ZNF236: variants seen among roughly 807,000 people sequenced by gnomAD.
ZNF236 encodes zinc finger protein 236.
A neutral mutation model predicts 191.2 loss-of-function variants in ZNF236; 50 were observed. The observed-to-expected ratio is 0.26, with a 90% CI of 0.21 to 0.33. The LOEUF is 0.33. ZNF236 is among the 10% of genes least tolerant of loss of function. ZNF236 has a pLI of 1.00. For missense variants in ZNF236, 1,754 were observed against 2,374.5 expected (o/e 0.74, Z 5.43); for synonymous variants, 907 against 928.8 (o/e 0.98, Z 0.43).
rs752348559 is a variant in ZNF236, at chr18:76,899,182, T to C, written c.1854T>C (p.Pro618=). The C allele has an allele frequency of 6.2e-7, 1 of 1,614,118 alleles. No homozygotes were observed. ...VRVGKTNIPV[P]DIPLQEPILI... ...TTGGCAAGACGAATATTCCAGTCCCTGATATTCCTTTGCAGGAACCAATCC... is the reference window on the plus strand; with the variant it reads ...TTGGCAAGACGAATATTCCAGTCCCCGATATTCCTTTGCAGGAACCAATCC... Residue 618 remains proline, a synonymous_variant, in exon 11 of 31, where the codon CCT becomes CCC. Coordinates refer to ENST00000320610, the MANE Select transcript of ZNF236 (RefSeq NM_001306089.2).
intron 1 of ZNF236, among the ~76,000 whole-genome samples, chr18:76,848,126 T>C (rs1568193502): frequency 6.6e-6 from 1 of 152,224 alleles, no homozygotes; most frequent in Non-Finnish European, 1.5e-5. Flanking sequence ...CAAGGCAGAT[T>C]CAACTTTCAG....
chr18:76,830,728 G>A (rs1975149102), intron 1 of ZNF236, among the ~76,000 whole-genome samples: 1 of 152,194 alleles, frequency 6.6e-6, no homozygotes. Flanking sequence ...TGGGCTGCAT[G>A]TGGACTGTGG....
chr18:76,850,493 T>TAA (rs1431267770), intron 2 of ZNF236, among the ~76,000 whole-genome samples: 1 of 152,232 alleles, frequency 6.6e-6, no homozygotes, highest in Non-Finnish European at 1.5e-5. Context: ...TACCAGTGAT[T>TAA]ATCTTTTTAC....
intron 26 of ZNF236, among the ~76,000 whole-genome samples, chr18:76,941,045 A>G (rs1028483821): frequency 3.9e-5 from 6 of 152,224 alleles, no homozygotes; most frequent in Admixed American, 2.6e-4. Flanking sequence ...TCCCGAAACC[A>G]TCTCCCCAAC....
intron 6 of ZNF236, among the ~76,000 whole-genome samples, chr18:76,876,325 T>C (rs1209400479): frequency 6.6e-6 from 1 of 152,218 alleles, no homozygotes; most frequent in Admixed American, 6.5e-5. Context: ...ACAAATACTT[T>C]TATCATGGAT....
intron 1 of ZNF236, among the ~76,000 whole-genome samples, chr18:76,847,094 C>T (rs1186882763): frequency 1.3e-5 from 2 of 148,682 alleles, no homozygotes; most frequent in Admixed American, 6.7e-5. Context: ...TGCCCGGCCT[C>T]GACATCATTT....
intron 25 of ZNF236, chr18:76,936,243 G>T: frequency 2.2e-6 from 1 of 446,628 alleles, no homozygotes. Flanking sequence ...TGGCACAGTG[G>T]CTGGCACAAG....
Position 76,972,528 on chromosome 18 carries a change from A to G in ZNF236, c.*4189A>G, listed in dbSNP as rs2123003406. Among the ~76,000 whole-genome samples the G allele has an allele frequency of 6.6e-6, 1 of 152,332 alleles. No homozygotes were observed. The highest frequency in any genetic ancestry group is 2.1e-4 in the South Asian group (1 of 4,832). On this transcript the variant is annotated 3_prime_UTR_variant, in exon 31 of 31. Coordinates refer to ENST00000320610, the MANE Select transcript of ZNF236 (RefSeq NM_001306089.2). Reference sequence around the variant, plus strand: ...GGGGCAGTTCTTTATATGGATGACTAACAACTAAGAAAAAATGAAGATTAG... The same window carrying G: ...GGGGCAGTTCTTTATATGGATGACTGACAACTAAGAAAAAATGAAGATTAG...
intron 25 of ZNF236, among the ~76,000 whole-genome samples, chr18:76,930,314 C>G (rs999809991): frequency 2.0e-5 from 3 of 152,172 alleles, no homozygotes; most frequent in Admixed American, 6.5e-5. Context: ...ATACTTTTGT[C>G]TTTTGAATCT....
intron 27 of ZNF236, among the ~76,000 whole-genome samples, chr18:76,948,155 T>C (rs1968312994): frequency 6.6e-6 from 1 of 152,180 alleles, no homozygotes; most frequent in Non-Finnish European, 1.5e-5. Flanking sequence ...CCAAAATATT[T>C]AGTAAGCAAT....
chr18:76,903,177 T>G (rs889337544), intron 11 of ZNF236, among the ~76,000 whole-genome samples: 1 of 152,250 alleles, frequency 6.6e-6, no homozygotes, highest in Non-Finnish European at 1.5e-5. Flanking sequence ...TGAAATTGGT[T>G]GGGCTGTCAA....
At chr18:76,938,103 C>T (rs1254791562) in intron 26 of ZNF236, among the ~76,000 whole-genome samples, 1 of 152,104 alleles carries the variant, frequency 6.6e-6, no homozygotes, top group Non-Finnish European at 1.5e-5. Context: ...AATTAGAAAG[C>T]TGAGGCTGGA....
chr18:76,855,593 T>C (rs970085962), intron 3 of ZNF236, among the ~76,000 whole-genome samples: 6 of 152,254 alleles, frequency 3.9e-5, no homozygotes, highest in Non-Finnish European at 5.9e-5. Flanking sequence ...ATTGTTTAAA[T>C]GTGTATCATA....
intron 25 of ZNF236, among the ~76,000 whole-genome samples, chr18:76,928,584 AC>A (rs1041914968): frequency 1.3e-5 from 2 of 152,266 alleles, no homozygotes; most frequent in African/African-American, 4.8e-5. Context: ...GGTAGGAAAT[AC>A]CCTTTGGCAG....
At chr18:76,967,332 G>A (rs1337149797) in intron 30 of ZNF236, among the ~76,000 whole-genome samples, 1 of 152,082 alleles carries the variant, frequency 6.6e-6, no homozygotes, top group Non-Finnish European at 1.5e-5. Flanking sequence ...GTTGGAGGTG[G>A]TGTGATCTGT....
At chr18:76,860,988 T>A (rs1976202382) in intron 3 of ZNF236, among the ~76,000 whole-genome samples, 1 of 152,154 alleles carries the variant, frequency 6.6e-6, no homozygotes, top group South Asian at 2.1e-4. Flanking sequence ...CACAGCTTCC[T>A]TGGCACTGTG....
In ZNF236 at chr18:76,871,721, A is replaced by T. The variant is rs1242122163; in HGVS notation, c.563A>T (p.Tyr188Phe). 2.0e-5 allele frequency: 32 copies of T among 1,614,110 alleles called. No homozygotes were observed. Among genetic ancestry groups the T allele is most frequent in the Non-Finnish European group, 2.3e-5 (27 of 1,180,050 alleles). Residue 188 changes from tyrosine (Y) to phenylalanine (F), a missense_variant, in exon 5 of 31, where the codon TAT becomes TTT. By Grantham distance (22) the Tyr-to-Phe change is conservative. Around this residue, in one of 5 missense-constraint regions of ZNF236, gnomAD observed 336 missense variants for 495.1 expected, o/e 0.68. Transcript: ENST00000320610. ...ACTAGGGTATCAAGTACAAGGTCTTATAACCGGAATATCGACAGAAGTGGA... is the reference window on the plus strand; with the variant it reads ...ACTAGGGTATCAAGTACAAGGTCTTTTAACCGGAATATCGACAGAAGTGGA... ...YKIRVSSTRS[Y>F]NRNIDRSGFT... is the part of the protein sequence containing the mutation.
At chr18:76,939,660 T>TA (rs1490130809) in intron 26 of ZNF236, among the ~76,000 whole-genome samples, 7 of 152,240 alleles carry the variant, frequency 4.6e-5, no homozygotes, top group Non-Finnish European at 5.9e-5. Context: ...ATGTTGTTTT[T>TA]ATATTTAAAT....
rs900080464 is a variant in ZNF236, at chr18:76,947,537, C to G, written c.4799C>G (p.Ala1600Gly). The G allele has an allele frequency of 1.9e-6, 3 of 1,613,662 alleles. No homozygotes were observed. The African/African-American group carries it at 4.0e-5, about 22-fold the overall frequency. ...TTTTGCCAGGGTCAGCAGTTCCCAGCGCTCCTCACGGATCCCTCTCTCTCG... is the reference window on the plus strand; with the variant it reads ...TTTTGCCAGGGTCAGCAGTTCCCAGGGCTCCTCACGGATCCCTCTCTCTCG... Reference protein sequence around the residue: ...NITSQGQQFPALLTDPSLSGQ... With the variant: ...NITSQGQQFPGLLTDPSLSGQ... The change falls in exon 27 of 31, where the codon GCG (alanine) becomes GGG (glycine). Residue 1600 changes from alanine (A) to glycine (G), a missense_variant. By Grantham distance (60) the Ala-to-Gly change is moderately conservative. Coordinates refer to ENST00000320610, the MANE Select transcript of ZNF236 (RefSeq NM_001306089.2).
Sources: gnomAD v4.1 joint callset for allele counts (sites outside exome capture counted in the v4.1 genomes callset) on GRCh38, gnomAD v4.1.1 for gene constraint, gnomAD v4.1.1 regional missense constraint, MANE v1.5 for transcripts, NCBI Gene and HGNC (gene_info 2026-07-23, HGNC 2026-07-21) for gene names.